The following ADGRD1 variants were observed in gnomAD, a reference collection of about 807,000 sequenced individuals.
ADGRD1 encodes adhesion G protein-coupled receptor D1.
In ADGRD1, 77 loss-of-function variants were observed where a neutral mutation model predicts 113.4. The ratio of observed to expected loss-of-function variants is 0.68; its 90% CI spans 0.57 to 0.82. The LOEUF is 0.82. Among genes scored for constraint, ADGRD1 ranks in the 40% least tolerant of loss-of-function variants. The pLI is 0.00. For missense variants in ADGRD1, 1,036 were observed against 1,139.1 expected (o/e 0.91, Z 1.30); for synonymous variants, 474 against 475.0 (o/e 1.00, Z 0.03).
intron 13 of ADGRD1, among the ~76,000 whole-genome samples, chr12:131,029,676 ATG>A (rs1880405130): frequency 8.5e-6 from 1 of 117,250 alleles, no homozygotes. Context: ...GACCCCTCGT[ATG>A]GTGACATTCC....
At chr12:130,973,969 A>T (rs1298836167) in intron 4 of ADGRD1, among the ~76,000 whole-genome samples, 1 of 152,204 alleles carries the variant, frequency 6.6e-6, no homozygotes, top group Admixed American at 6.5e-5. Context: ...GGAAACCTTC[A>T]ATCAACGCTG....
At chr12:131,000,753 A>AC (rs1371728513) in intron 9 of ADGRD1, among the ~76,000 whole-genome samples, 5 of 151,360 alleles carry the variant, frequency 3.3e-5, no homozygotes, top group Non-Finnish European at 5.9e-5. Context: ...AAAACAAAAA[A>AC]AAAAAAAAAA....
chr12:130,991,176 T>C (rs1309873244), intron 7 of ADGRD1, 98 bp downstream of exon 7: 1 of 914,098 alleles, frequency 1.1e-6, no homozygotes, highest in Non-Finnish European at 1.8e-6. Context: ...CTGGGCTCTC[T>C]GTTATCGGCA....
At chr12:130,997,383 C>T (rs1371144532) in intron 8 of ADGRD1, among the ~76,000 whole-genome samples, 4 of 112,954 alleles carry the variant, frequency 3.5e-5, no homozygotes, top group Non-Finnish European at 3.8e-5. Context: ...GGCTGCCGGG[C>T]GGAGGGGCTC....
chr12:131,009,767 ATT>A (rs1877633975), intron 12 of ADGRD1, among the ~76,000 whole-genome samples: 1 of 152,168 alleles, frequency 6.6e-6, no homozygotes, highest in African/African-American at 2.4e-5. Flanking sequence ...GCGTGTGTGC[ATT>A]TGTGTGTTGT....
At position 131,050,871 on chromosome 12, in the gene ADGRD1, T is replaced by C. The variant is rs1301867779; in HGVS notation, c.1474-25930T>C. 6.6e-6 allele frequency among the ~76,000 whole-genome samples: 1 copy of C among 152,120 alleles called. No homozygotes were observed. The stretch of plus-strand genomic sequence containing the variant: ...AGAGTTCACGGTCGGTTTGCATTCC[T>C]ATGAGAATCAAACGCCCGGCTGATC... On this transcript the variant is annotated intron_variant, in intron 13 of 24. Transcript: ENST00000261654. The surrounding 1 kb of genome is among the most constrained non-coding windows in gnomAD (Gnocchi z 4.8).
In ADGRD1 at chr12:131,137,755, C is replaced by G; in HGVS notation, c.2437-382C>G. Reference sequence around the variant, plus strand: ...CCCCTTGATCGCAACGCCCAGTGACCCCTTGCAAGGCCTGAGGTGGATCCC... The same window carrying G: ...CCCCTTGATCGCAACGCCCAGTGACGCCTTGCAAGGCCTGAGGTGGATCCC... On this transcript the variant is annotated intron_variant, in intron 23 of 24. Transcript: ENST00000261654. The G allele has an allele frequency of 1.0e-5, 3 of 292,324 alleles. No individual in the cohort carries two copies. The South Asian group carries it at 1.1e-4, about 11-fold the overall frequency. The allele number at this position is 292,324 out of a possible 1,614,324, so 18.1% of individuals were successfully genotyped here. A position where few individuals can be genotyped will look rare whatever the true frequency, so the allele number is the denominator to read the frequency against.
At chr12:131,133,369 TC>T (rs1428207847) in intron 21 of ADGRD1, among the ~76,000 whole-genome samples, 1 of 152,132 alleles carries the variant, frequency 6.6e-6, no homozygotes, top group African/African-American at 2.4e-5. Flanking sequence ...CGCCCCATCC[TC>T]CCATCAGTGC....
chr12:131,075,512 C>T lies in ADGRD1; in HGVS notation c.1474-1289C>T, dbSNP rs139908259. Among the ~76,000 whole-genome samples the T allele has an allele frequency of 4.2e-3, 641 of 152,242 alleles. 3 individuals carry two copies. The highest frequency in any genetic ancestry group is 6.8e-3 in the Middle Eastern group (2 of 294). On this transcript the variant is annotated intron_variant, in intron 13 of 24. Coordinates refer to ENST00000261654, the MANE Select transcript of ADGRD1 (RefSeq NM_198827.5). This position sits in a 1 kb window ranked among gnomAD's most constrained non-coding sequence, Gnocchi z 5.3. ...ATTAAAATAACCCTAAGATACGGGGCGGCAGGGGTGGGGGACAAAGCAAAA... is the reference window on the plus strand; with the variant it reads ...ATTAAAATAACCCTAAGATACGGGGTGGCAGGGGTGGGGGACAAAGCAAAA...
rs1272860179 is a variant in ADGRD1 at position 131,084,941 on chromosome 12, C to A, written c.1671+278C>A. Among the ~76,000 whole-genome samples, 6 of 152,208 alleles carry A rather than the reference C, an allele frequency of 3.9e-5. No homozygotes were observed. The highest frequency in any genetic ancestry group is 8.8e-5 in the Non-Finnish European group (6 of 68,036). On this transcript the variant is annotated intron_variant, in intron 15 of 24. Transcript: ENST00000261654. This position sits in a 1 kb window ranked among gnomAD's most constrained non-coding sequence, Gnocchi z 4.5. ...ACGCCCAGACTGCACCTGGGGGGAT[C>A]CAAGGAGGGACCCCTCATCCCTCCA...
At position 131,126,449 on chromosome 12, in the gene ADGRD1, C is replaced by G. The variant is rs535692503; in HGVS notation, c.2176-5276C>G. Among the ~76,000 whole-genome samples, 12 of 152,300 alleles carry G rather than the reference C, an allele frequency of 7.9e-5. No individual in the cohort carries two copies. The East Asian group carries it at 2.3e-3, about 29-fold the overall frequency. On this transcript the variant is annotated intron_variant, in intron 20 of 24. Transcript: ENST00000261654. ...AGTCTGTGGTATTCTGTTATAGTAG[C>G]AGAAAACAGACTGAGGCACCCACTG...
chr12:131,018,501 C>A (rs148454643), intron 13 of ADGRD1, among the ~76,000 whole-genome samples: 110 of 151,994 alleles, frequency 7.2e-4, no homozygotes, highest in Middle Eastern at 3.4e-3. Flanking sequence ...TCGGGTCGGC[C>A]GCCTCACGCA....
At chr12:131,131,098 G>A (rs767586797) in intron 20 of ADGRD1, among the ~76,000 whole-genome samples, 1 of 152,206 alleles carries the variant, frequency 6.6e-6, no homozygotes, top group Non-Finnish European at 1.5e-5. Flanking sequence ...GCCTCCTACT[G>A]AGGGAGCTGC....
At chr12:131,115,392 G>C (rs980634566) in intron 18 of ADGRD1, among the ~76,000 whole-genome samples, 14 of 152,216 alleles carry the variant, frequency 9.2e-5, no homozygotes, top group African/African-American at 3.1e-4. Flanking sequence ...AGGGGCAGGG[G>C]TGTGGACCTC....
intron 13 of ADGRD1, among the ~76,000 whole-genome samples, chr12:131,040,444 C>T (rs1229104689): frequency 6.6e-6 from 1 of 152,196 alleles, no homozygotes; most frequent in Non-Finnish European, 1.5e-5. Context: ...TCCATAAAAT[C>T]ATGTGTTTGG....
At position 131,136,115 on chromosome 12, in the gene ADGRD1, TTG is replaced by T. The variant is rs1951076398; in HGVS notation, c.2349_2350del (p.Ala784CysfsTer170). On this transcript the variant is annotated frameshift_variant, in exon 22 of 25. Transcript: ENST00000261654. LOFTEE classifies it high-confidence loss of function. ...WVFGVLAVNG[C>X]AVVFQYMFAT... The stretch of plus-strand genomic sequence containing the variant: ...TCTTTGGCGTGCTTGCTGTCAACGG[TTG>T]TGCTGTGGTTTTCCAGTACATGTTT... The T allele has an allele frequency of 1.2e-6, 2 of 1,614,012 alleles. No homozygotes were observed. Among genetic ancestry groups the T allele is most frequent in the Non-Finnish European group, 8.5e-7 (1 of 1,180,020 alleles).
chr12:130,957,560 A>G (rs1384883311), intron 2 of ADGRD1: 1 of 152,314 alleles, frequency 6.6e-6, no homozygotes, highest in Non-Finnish European at 1.5e-5. Flanking sequence ...CAGCTCACAT[A>G]TCCACACACG....
At position 130,969,091 on chromosome 12, in the gene ADGRD1, T is replaced by C. The variant is rs1292878055; in HGVS notation, c.188-2367T>C. The C allele has an allele frequency of 8.9e-6, 12 of 1,345,422 alleles. No individual in the cohort carries two copies. The African/African-American group carries it at 1.4e-4, about 16-fold the overall frequency. 83.3% of individuals were successfully genotyped at this position (1,345,422 alleles called of 1,614,324 possible). On this transcript the variant is annotated intron_variant, in intron 3 of 24. Coordinates refer to ENST00000261654, the MANE Select transcript of ADGRD1 (RefSeq NM_198827.5). ...ACTGTAGGTGAGCATTTATGTACTTTTGTTCTTCGTTCTGTCAAGTTTGGA... is the reference window on the plus strand; with the variant it reads ...ACTGTAGGTGAGCATTTATGTACTTCTGTTCTTCGTTCTGTCAAGTTTGGA...
At chr12:131,065,121 G>A (rs1323963786) in intron 13 of ADGRD1, among the ~76,000 whole-genome samples, 1 of 152,112 alleles carries the variant, frequency 6.6e-6, no homozygotes, top group Non-Finnish European at 1.5e-5. Flanking sequence ...TAGAAGCCAC[G>A]TGGCCATCCC....
Sources: gnomAD v4.1 joint callset for allele counts (sites outside exome capture counted in the v4.1 genomes callset) on GRCh38, gnomAD v4.1.1 for gene constraint, Gnocchi (gnomAD v3.1) non-coding constraint, MANE v1.5 for transcripts, NCBI Gene and HGNC (gene_info 2026-07-23, HGNC 2026-07-21) for gene names.